Variants in CSRNP3 observed in about 807,000 individuals in gnomAD.
CSRNP3 encodes the protein cysteine/serine-rich nuclear protein 3.
Under a neutral mutation model 48.0 loss-of-function variants are expected in CSRNP3, and 12 were observed. The observed-to-expected ratio is 0.25, with a 90% confidence interval of 0.16 to 0.41. CSRNP3 has a LOEUF of 0.41. CSRNP3 is among the 10% of genes least tolerant of loss of function. The pLI, the probability that CSRNP3 is intolerant of heterozygous loss-of-function variation, is 1.00. For missense variants in CSRNP3, 580 were observed against 724.4 expected (o/e 0.80, Z 2.29); for synonymous variants, 263 against 269.7 (o/e 0.98, Z 0.24).
intron 4 of CSRNP3, among the ~76,000 whole-genome samples, chr2:165,613,007 T>C (rs1686165318): frequency 6.6e-6 from 1 of 152,142 alleles, no homozygotes; most frequent in Admixed American, 6.5e-5. Flanking sequence ...CTATATTCCA[T>C]AATGGCTGTA....
rs901141881 is a variant in CSRNP3, at chr2:165,687,867, A to C, written c.*8114A>C. ...GAGTTGACACCCAACTCAGAGTCAG[A>C]ACTCACCAGAAGATGAGGAACACCC... On this transcript the variant is annotated 3_prime_UTR_variant, in exon 7 of 7. Transcript: ENST00000651982. 2 of 152,016 alleles carry C rather than the reference A, an allele frequency of 1.3e-5. No individual in the cohort carries two copies. The highest frequency in any genetic ancestry group is 2.9e-5 in the Non-Finnish European group (2 of 67,986). 9.4% of individuals were successfully genotyped at this position (152,016 alleles called of 1,614,324 possible).
chr2:165,664,215 T>C (rs560930178), intron 5 of CSRNP3, among the ~76,000 whole-genome samples: 7 of 152,336 alleles, frequency 4.6e-5, no homozygotes, highest in African/African-American at 1.7e-4. Context: ...CCAAATGATA[T>C]ACATATTTTC....
chr2:165,552,729 C>A (rs1423722300), intron 3 of CSRNP3, among the ~76,000 whole-genome samples: 1 of 151,576 alleles, frequency 6.6e-6, no homozygotes, highest in Admixed American at 6.6e-5. Context: ...GAGATGGAGT[C>A]TCACTCTGTC....
At chr2:165,488,628 C>T (rs1221799444) in intron 1 of CSRNP3, among the ~76,000 whole-genome samples, 3 of 138,704 alleles carry the variant, frequency 2.2e-5, no homozygotes, top group Admixed American at 1.5e-4. Flanking sequence ...AACTAGAACT[C>T]AGGATTAAGA....
At chr2:165,561,900 C>T (rs997023980) in intron 3 of CSRNP3, among the ~76,000 whole-genome samples, 111 of 152,100 alleles carry the variant, frequency 7.3e-4, no homozygotes, top group African/African-American at 2.6e-3. Flanking sequence ...ATGTTAAATA[C>T]TAATAAAGTC....
intron 3 of CSRNP3, among the ~76,000 whole-genome samples, chr2:165,573,041 A>C (rs1447826401): frequency 6.6e-6 from 1 of 152,116 alleles, no homozygotes; most frequent in African/African-American, 2.4e-5. Context: ...TGCAAAAGGA[A>C]GGTTTGGAAT....
At position 165,587,717 on chromosome 2, in the gene CSRNP3, T is replaced by A. The variant is rs1685654561; in HGVS notation, c.-23-7326T>A. Reference sequence around the variant, plus strand: ...TAGTCCAGTGTTTTCCCAACAGAAGTCTTTTGCTTAAGTTAGTCTAGAGTT... The same window carrying A: ...TAGTCCAGTGTTTTCCCAACAGAAGACTTTTGCTTAAGTTAGTCTAGAGTT... On this transcript the variant is annotated intron_variant, in intron 3 of 6. Transcript: ENST00000651982. Among the ~76,000 whole-genome samples the A allele has an allele frequency of 2.6e-5, 4 of 152,178 alleles. No homozygotes were observed. In the South Asian group the frequency reaches 8.3e-4, roughly 31 times the overall value.
chr2:165,484,516 A>G (rs1273219706), intron 1 of CSRNP3, among the ~76,000 whole-genome samples: 1 of 152,182 alleles, frequency 6.6e-6, no homozygotes, highest in Non-Finnish European at 1.5e-5. Context: ...ATATAAATCA[A>G]GTCATCTGTA....
Position 165,520,690 on chromosome 2 carries a change from G to GTATC in CSRNP3, c.-24+2747_-24+2750dup, listed in dbSNP as rs66559803. Among the ~76,000 whole-genome samples, 54 of 139,978 alleles carry GTATC rather than the reference G, an allele frequency of 3.9e-4. No homozygotes were observed. The South Asian group carries it at 4.9e-3, about 13-fold the overall frequency. The allele number at this position is 139,978 out of a possible 152,430, so 91.8% of individuals were successfully genotyped here. A position where few individuals can be genotyped will look rare whatever the true frequency, so the allele number is the denominator to read the frequency against. On this transcript the variant is annotated intron_variant, in intron 3 of 6. Coordinates refer to ENST00000651982, the MANE Select transcript of CSRNP3 (RefSeq NM_001172173.2). Reference sequence around the variant, plus strand: ...TCACAATTATTTAGAGGCTCTCTCTGTATCTATCTATCTATCTATCTGTCT... The same window carrying GTATC: ...TCACAATTATTTAGAGGCTCTCTCTGTATCTATCTATCTATCTATCTATCTGTCT...
chr2:165,582,845 G>T (rs1487629438), intron 3 of CSRNP3, among the ~76,000 whole-genome samples: 2 of 152,196 alleles, frequency 1.3e-5, no homozygotes, highest in Non-Finnish European at 2.9e-5. Context: ...CTGCGGAAAT[G>T]TTGTGATCTA....
intron 4 of CSRNP3, among the ~76,000 whole-genome samples, chr2:165,656,339 C>G (rs997801006): frequency 6.6e-6 from 1 of 152,152 alleles, no homozygotes; most frequent in South Asian, 2.1e-4. Flanking sequence ...TTCTTCTCAA[C>G]TACAGTCAGT....
intron 3 of CSRNP3, among the ~76,000 whole-genome samples, chr2:165,543,675 G>A (rs1047932825): frequency 6.6e-6 from 1 of 151,864 alleles, no homozygotes; most frequent in Admixed American, 6.6e-5. Context: ...ATTTTCATGG[G>A]CACATACTAA....
chr2:165,488,044 G>A (rs1225088113), intron 1 of CSRNP3, among the ~76,000 whole-genome samples: 1 of 108,732 alleles, frequency 9.2e-6, no homozygotes, highest in Non-Finnish European at 1.8e-5. Context: ...CTGTATTCAG[G>A]AAACCCATCT....
At chr2:165,511,016 T>C (rs1250299207) in intron 2 of CSRNP3, among the ~76,000 whole-genome samples, 2 of 152,086 alleles carry the variant, frequency 1.3e-5, no homozygotes, top group East Asian at 3.8e-4. Context: ...AGGTAGGAAA[T>C]AAACTAGGAT....
chr2:165,534,667 A>G (rs1215873768), intron 3 of CSRNP3, among the ~76,000 whole-genome samples: 2 of 151,766 alleles, frequency 1.3e-5, no homozygotes, highest in Non-Finnish European at 2.9e-5. Context: ...ATAGCTCTTT[A>G]ATAAAAAAAT....
At chr2:165,492,245 G>A (rs2105458503) in intron 1 of CSRNP3, among the ~76,000 whole-genome samples, 1 of 152,202 alleles carries the variant, frequency 6.6e-6, no homozygotes, top group Admixed American at 6.5e-5. Flanking sequence ...GAAATAGCAA[G>A]CTAATGAGTT....
chr2:165,565,911 T>G (rs890359141), intron 3 of CSRNP3, among the ~76,000 whole-genome samples: 1 of 152,084 alleles, frequency 6.6e-6, no homozygotes, highest in Non-Finnish European at 1.5e-5. Flanking sequence ...GAACTTTTAT[T>G]GTAAACAAAA....
At chr2:165,574,594 G>C (rs1338071103) in intron 3 of CSRNP3, among the ~76,000 whole-genome samples, 1 of 151,930 alleles carries the variant, frequency 6.6e-6, no homozygotes, top group Non-Finnish European at 1.5e-5. Context: ...TTCTCTACTT[G>C]AAACATGGGT....
intron 3 of CSRNP3, among the ~76,000 whole-genome samples, chr2:165,521,487 T>G (rs1211308495): frequency 6.6e-6 from 1 of 152,152 alleles, no homozygotes; most frequent in African/African-American, 2.4e-5. Flanking sequence ...GTACCACAAA[T>G]CCAGTTCCCT....
Sources: allele counts gnomAD v4.1 joint callset (sites outside exome capture counted in the v4.1 genomes callset), GRCh38; gene constraint gnomAD v4.1.1; transcripts MANE v1.5; gene names NCBI Gene and HGNC (gene_info 2026-07-23, HGNC 2026-07-21).